Variants in ALKBH3 observed in about 807,000 individuals in gnomAD.
The protein encoded by ALKBH3 is alkB homolog 3, alpha-ketoglutarate dependent dioxygenase.
ALKBH3 carries 51 observed loss-of-function variants against 43.9 expected under a neutral mutation model. The observed-to-expected ratio is 1.16, with a 90% CI of 0.93 to 1.47. ALKBH3 has a LOEUF of 1.47. Ranked by LOEUF, ALKBH3 falls within the 40% of genes most tolerant of loss-of-function variation. The pLI is 0.00. For missense variants in ALKBH3, 361 were observed against 351.9 expected (o/e 1.03, Z -0.21); for synonymous variants, 102 against 115.2 (o/e 0.89, Z 0.73).
chr11:43,883,677 A>T (rs1951729180), intron 3 of ALKBH3, among the ~76,000 whole-genome samples: 1 of 152,224 alleles, frequency 6.6e-6, no homozygotes, highest in Non-Finnish European at 1.5e-5. Context: ...ATAAATAATT[A>T]TTAAAACTCC....
At chr11:43,887,390 C>T (rs922368629) in intron 5 of ALKBH3, among the ~76,000 whole-genome samples, 2 of 152,280 alleles carry the variant, frequency 1.3e-5, no homozygotes, top group African/African-American at 4.8e-5. Flanking sequence ...TCACTGTAAC[C>T]TCTACCTCCT....
At chr11:43,905,668 A>G (rs1951891292) in intron 8 of ALKBH3, among the ~76,000 whole-genome samples, 1 of 152,298 alleles carries the variant, frequency 6.6e-6, no homozygotes, top group South Asian at 2.1e-4. Flanking sequence ...TTGTCAGGCT[A>G]TATTGTCTTA....
At chr11:43,897,287 C>G in intron 7 of ALKBH3, 1 of 593,590 alleles carries the variant, frequency 1.7e-6, no homozygotes, top group South Asian at 1.4e-5. Flanking sequence ...CCCGTCGCCA[C>G]CCCACATCCC....
chr11:43,919,061 T>G lies in ALKBH3; in HGVS notation c.693T>G (p.Tyr231Ter). ...AGGAAGAGAATGGAGACTACACATATGTGGAAAGAGTGAAGATACCCTTGG... is the reference window on the plus strand; with the variant it reads ...AGGAAGAGAATGGAGACTACACATAGGTGGAAAGAGTGAAGATACCCTTGG... ...PPPEENGDYT[Y>*]VERVKIPLDH... Residue 231 changes from tyrosine (Y) to a stop codon, truncating the protein, a stop_gained, in exon 9 of 10, where the codon TAT becomes TAG. Transcript: ENST00000302708. LOFTEE classifies it high-confidence loss of function. 1 of 1,611,268 alleles carries G rather than the reference T, an allele frequency of 6.2e-7. No individual in the cohort carries two copies. The highest frequency in any genetic ancestry group is 8.5e-7 in the Non-Finnish European group (1 of 1,177,446).
At chr11:43,885,277 A>G (rs1332704581) in intron 4 of ALKBH3, among the ~76,000 whole-genome samples, 1 of 152,228 alleles carries the variant, frequency 6.6e-6, no homozygotes, top group Non-Finnish European at 1.5e-5. Flanking sequence ...ATAGCCGGAA[A>G]TGTCTTCCAT....
Position 43,920,120 on chromosome 11 carries a change from T to C in ALKBH3, c.*110T>C, listed in dbSNP as rs1207484166. On this transcript the variant is annotated 3_prime_UTR_variant, in exon 10 of 10. Transcript: ENST00000302708. ...TCTCATGATGTGGCTGTTGGGAAGATGGTGGGGTTTGTTTGCCAGCTTGGA... is the reference window on the plus strand; with the variant it reads ...TCTCATGATGTGGCTGTTGGGAAGACGGTGGGGTTTGTTTGCCAGCTTGGA... The C allele has an allele frequency of 6.6e-6, 7 of 1,059,400 alleles. No homozygotes were observed. In the Admixed American group the frequency reaches 1.6e-4, roughly 24 times the overall value. 65.6% of individuals were successfully genotyped at this position (1,059,400 alleles called of 1,614,324 possible).
chr11:43,919,560 G>A (rs897823514), intron 9 of ALKBH3: 2 of 293,360 alleles, frequency 6.8e-6, no homozygotes, highest in Non-Finnish European at 1.3e-5. Flanking sequence ...TTTCTAAGGT[G>A]CACATGTTAA....
intron 8 of ALKBH3, among the ~76,000 whole-genome samples, chr11:43,907,079 T>C (rs1951900757): frequency 6.6e-6 from 1 of 152,104 alleles, no homozygotes; most frequent in Admixed American, 6.5e-5. Context: ...ATGGCATTCA[T>C]TGAAAGAGTA....
chr11:43,907,963 A>G (rs1951907748), intron 8 of ALKBH3, among the ~76,000 whole-genome samples: 1 of 152,258 alleles, frequency 6.6e-6, no homozygotes. Flanking sequence ...GGACATTGTT[A>G]GATTTTGTAT....
At chr11:43,898,229 AGGAGACCCACAAG>A (rs1264296790) in intron 7 of ALKBH3, 2 of 955,590 alleles carry the variant, frequency 2.1e-6, no homozygotes, top group African/African-American at 3.2e-5. Context: ...GGGTGGCTCC[AGGAGACCCACAAG>A]GGTGAAATTC....
At chr11:43,898,281 A>G (rs996354333) in intron 7 of ALKBH3, 22 of 745,478 alleles carry the variant, frequency 3.0e-5, no homozygotes, top group Admixed American at 1.4e-4. Context: ...TTCAGTTCCT[A>G]TGTGCATGGG....
intron 5 of ALKBH3, among the ~76,000 whole-genome samples, chr11:43,887,081 T>A (rs1166443074): frequency 6.6e-6 from 1 of 152,170 alleles, no homozygotes; most frequent in Non-Finnish European, 1.5e-5. Context: ...ATAACAAACC[T>A]GCATATGTAC....
intron 7 of ALKBH3, among the ~76,000 whole-genome samples, chr11:43,892,953 A>G (rs1335139803): frequency 6.6e-6 from 1 of 152,244 alleles, no homozygotes; most frequent in Non-Finnish European, 1.5e-5. Flanking sequence ...CTTTGGTTTC[A>G]AGGGCTGCAT....
intron 7 of ALKBH3, among the ~76,000 whole-genome samples, chr11:43,896,923 A>T (rs543202929): frequency 5.3e-5 from 8 of 151,330 alleles, no homozygotes; most frequent in Admixed American, 2.0e-4. Context: ...TGGCTTTATT[A>T]TTTTTTTTTA....
chr11:43,912,974 A>G (rs1380083126), intron 8 of ALKBH3, among the ~76,000 whole-genome samples: 5 of 152,106 alleles, frequency 3.3e-5, no homozygotes, highest in Admixed American at 2.0e-4. Flanking sequence ...GTTTTCTAAA[A>G]TGTTGTAGCA....
At chr11:43,892,467 G>T (rs531450824) in intron 7 of ALKBH3, among the ~76,000 whole-genome samples, 2 of 152,130 alleles carry the variant, frequency 1.3e-5, no homozygotes, top group South Asian at 2.1e-4. Context: ...TATGACTGAC[G>T]AGTGAGGTCA....
rs1044292390 is a variant in ALKBH3 at position 43,898,010 on chromosome 11, C to T, written c.460-3506C>T. Reference sequence around the variant, plus strand: ...ATCACGCCCTCTTCAGAGACATCTTCGTCATCCTGCAAGAAACAAGCAGCG... The same window carrying T: ...ATCACGCCCTCTTCAGAGACATCTTTGTCATCCTGCAAGAAACAAGCAGCG... On this transcript the variant is annotated intron_variant, in intron 7 of 9. Coordinates refer to ENST00000302708, the MANE Select transcript of ALKBH3 (RefSeq NM_139178.4). 55 of 855,062 alleles carry T rather than the reference C, an allele frequency of 6.4e-5. 1 individual carries two copies. Among genetic ancestry groups the T allele is most frequent in the South Asian group, 4.1e-4 (31 of 75,740 alleles). 53.0% of individuals were successfully genotyped at this position (855,062 alleles called of 1,614,324 possible).
chr11:43,883,182 T>C lies in ALKBH3; in HGVS notation c.177T>C (p.Pro59=). The stretch of plus-strand genomic sequence containing the variant: ...ACAGAGAGTTTGTGTTCAAAGAACC[T>C]CAGCAGGTAAATTCATGGTTTTTTC... ...LSDREFVFKE[P]QQVVRRAPEP... Residue 59 remains proline (P), a synonymous_variant, in exon 3 of 10, where the codon CCT becomes CCC. Transcript: ENST00000302708. 2 of 1,612,622 alleles carry C rather than the reference T, an allele frequency of 1.2e-6. No homozygotes were observed. The highest frequency in any genetic ancestry group is 1.7e-6 in the Non-Finnish European group (2 of 1,179,266).
rs983869278 is a variant in ALKBH3 at position 43,884,132 on chromosome 11, G to A, written c.218+115G>A. Reference sequence around the variant, plus strand: ...GAATGGCCCAATAAGTGTCTTAACTGTAGTCTGGGATATTCCCATCTCAAA... The same window carrying A: ...GAATGGCCCAATAAGTGTCTTAACTATAGTCTGGGATATTCCCATCTCAAA... On this transcript the variant is annotated intron_variant, in intron 4 of 9. Transcript: ENST00000302708. The A allele has an allele frequency of 9.6e-6, 12 of 1,244,192 alleles. No individual in the cohort carries two copies. The African/African-American group carries it at 1.5e-4, about 16-fold the overall frequency. The allele number at this position is 1,244,192 out of a possible 1,614,324, so 77.1% of individuals were successfully genotyped here.
Sources: gnomAD v4.1 joint callset for allele counts (sites outside exome capture counted in the v4.1 genomes callset) on GRCh38, gnomAD v4.1.1 for gene constraint, MANE v1.5 for transcripts, NCBI Gene and HGNC (gene_info 2026-07-23, HGNC 2026-07-21) for gene names.